The following STX8 variants were observed in gnomAD, a reference collection of about 807,000 sequenced individuals.
STX8 encodes syntaxin 8.
A neutral mutation model predicts 37.5 loss-of-function variants in STX8; 23 were observed. The observed-to-expected ratio is 0.61, with a 90% CI of 0.44 to 0.87. STX8 has a LOEUF of 0.87. Ranked by LOEUF, STX8 falls within the 40% of genes least tolerant of loss-of-function variation. The pLI is 0.00. For missense variants in STX8, 313 were observed against 284.7 expected, an observed-to-expected ratio of 1.10 and a Z score of -0.71; for synonymous variants, 115 against 99.1, an observed-to-expected ratio of 1.16 and a Z score of -0.95.
chr17:9,256,955 A>C (rs922445061), intron 7 of STX8, among the ~76,000 whole-genome samples: 2 of 152,226 alleles, frequency 1.3e-5, no homozygotes, highest in Admixed American at 6.5e-5. Context: ...GAGGCTGCCA[A>C]CTTCTTAAAC....
chr17:9,377,670 C>G (rs1235024684), intron 7 of STX8, among the ~76,000 whole-genome samples: 1 of 152,096 alleles, frequency 6.6e-6, no homozygotes, highest in Non-Finnish European at 1.5e-5. Flanking sequence ...CCATGTTGCC[C>G]AGGCTGCTAA....
At chr17:9,505,717 G>C (rs4791847) in intron 4 of STX8, among the ~76,000 whole-genome samples, 108,178 of 151,922 alleles carry the variant, frequency 0.71, 38,767 homozygotes, top group Middle Eastern at 0.85. Context: ...GAGGCGGGCA[G>C]ATCACCTGAA....
intron 7 of STX8, among the ~76,000 whole-genome samples, chr17:9,338,354 A>C (rs12952858): frequency 0.15 from 22,784 of 151,984 alleles, 1,906 homozygotes; most frequent in African/African-American, 0.21. Context: ...GCGTCCAGGT[A>C]TTCTGAAGGG....
chr17:9,289,851 G>C (rs1908254528), intron 7 of STX8, among the ~76,000 whole-genome samples: 1 of 152,002 alleles, frequency 6.6e-6, no homozygotes, highest in South Asian at 2.1e-4. Context: ...ACAAAATATT[G>C]CATGAGAAAG....
In STX8 at chr17:9,559,756, A is replaced by ATTTT. The variant is rs1214621506; in HGVS notation, c.118-2229_118-2228insAAAA. On this transcript the variant is annotated intron_variant, in intron 2 of 7. Coordinates refer to ENST00000306357, the MANE Select transcript of STX8 (RefSeq NM_004853.3). ...ATTTTATATATATATATATATATAT[A>ATTTT]TATATTTTTTTTTTTTTTTTTTTTG... 4.6e-3 allele frequency among the ~76,000 whole-genome samples: 144 copies of ATTTT among 31,076 alleles called. 1 individual carries two copies. Among genetic ancestry groups the ATTTT allele is most frequent in the African/African-American group, 5.0e-3 (36 of 7,154 alleles). 20.4% of individuals were successfully genotyped at this position (31,076 alleles called of 152,430 possible).
chr17:9,318,690 A>G (rs1285502730), intron 7 of STX8, among the ~76,000 whole-genome samples: 1 of 152,218 alleles, frequency 6.6e-6, no homozygotes. Context: ...ATAAACTATT[A>G]TTTAGAATTC....
In STX8 at chr17:9,322,682, C is replaced by T. The variant is rs183524623; in HGVS notation, c.643+55870G>A. Among the ~76,000 whole-genome samples the T allele has an allele frequency of 5.3e-5, 8 of 152,148 alleles. No individual in the cohort carries two copies. The East Asian group carries it at 1.2e-3, about 22-fold the overall frequency. On this transcript the variant is annotated intron_variant, in intron 7 of 7. Transcript: ENST00000306357. ...AGAGTTCTCTTGGATCCCTTGTTTA[C>T]GGCCTTAGTCTTATATTGTGAGCAG...
At chr17:9,364,389 T>C (rs966814812) in intron 7 of STX8, among the ~76,000 whole-genome samples, 6 of 152,164 alleles carry the variant, frequency 3.9e-5, no homozygotes, top group Admixed American at 6.6e-5. Flanking sequence ...TCCAGGTATG[T>C]CTGGGGAGGG....
intron 4 of STX8, among the ~76,000 whole-genome samples, chr17:9,529,250 AG>A (rs1905709216): frequency 2.4e-3 from 2 of 842 alleles, no homozygotes; most frequent in African/African-American, 7.6e-3. Flanking sequence ...TAGCTCTTAG[AG>A]AGAGAGAGAG....
At chr17:9,477,272 G>C (rs1044913772) in intron 6 of STX8, among the ~76,000 whole-genome samples, 3 of 152,158 alleles carry the variant, frequency 2.0e-5, no homozygotes, top group Non-Finnish European at 4.4e-5. Flanking sequence ...GTCACAATCT[G>C]AAGTAGTAGG....
At chr17:9,458,903 C>T (rs891654893) in intron 6 of STX8, among the ~76,000 whole-genome samples, 2 of 151,322 alleles carry the variant, frequency 1.3e-5, no homozygotes, top group East Asian at 1.9e-4. Context: ...AATCTCGGCT[C>T]ACTGCAAGCT....
At chr17:9,379,280 T>C (rs1044160071) in intron 6 of STX8, among the ~76,000 whole-genome samples, 3 of 146,634 alleles carry the variant, frequency 2.0e-5, no homozygotes, top group African/African-American at 5.0e-5. Context: ...GACGGCACAG[T>C]AGACTTCAGG....
At chr17:9,562,514 C>T (rs771695622) in intron 2 of STX8, among the ~76,000 whole-genome samples, 2 of 151,324 alleles carry the variant, frequency 1.3e-5, no homozygotes, top group Non-Finnish European at 2.9e-5. Flanking sequence ...AGCTAATCTC[C>T]ATAATACGTG....
At chr17:9,327,012 C>T (rs1049669158) in intron 7 of STX8, among the ~76,000 whole-genome samples, 1 of 151,992 alleles carries the variant, frequency 6.6e-6, no homozygotes, top group African/African-American at 2.4e-5. Flanking sequence ...ACAAAATTAG[C>T]CGGGCGTGAT....
chr17:9,405,046 T>C (rs1371237340), intron 6 of STX8, among the ~76,000 whole-genome samples: 1 of 152,206 alleles, frequency 6.6e-6, no homozygotes, highest in Non-Finnish European at 1.5e-5. Context: ...GTTGTAAATC[T>C]TGTGAAGTCA....
At chr17:9,523,481 G>C (rs547682427) in intron 4 of STX8, among the ~76,000 whole-genome samples, 89 of 151,908 alleles carry the variant, frequency 5.9e-4, no homozygotes, top group Non-Finnish European at 1.2e-3. Context: ...GGTGTTCCTA[G>C]AGCCATGCCT....
At chr17:9,405,995 A>G (rs1313367881) in intron 6 of STX8, among the ~76,000 whole-genome samples, 10 of 152,232 alleles carry the variant, frequency 6.6e-5, no homozygotes, top group Non-Finnish European at 1.5e-4. Context: ...GCAATCCTGC[A>G]CTACAGAATA....
chr17:9,298,226 T>C (rs1020406058), intron 7 of STX8, among the ~76,000 whole-genome samples: 1 of 152,122 alleles, frequency 6.6e-6, no homozygotes, highest in Non-Finnish European at 1.5e-5. Flanking sequence ...CAGAAGAAGA[T>C]GGACAGTAAA....
chr17:9,276,397 A>C (rs1597578883), intron 7 of STX8, among the ~76,000 whole-genome samples: 1 of 152,118 alleles, frequency 6.6e-6, no homozygotes, highest in Non-Finnish European at 1.5e-5. Flanking sequence ...AAAGAACAAA[A>C]GTTTAATTAA....
Sources: gnomAD v4.1 joint callset for allele counts (sites outside exome capture counted in the v4.1 genomes callset) on GRCh38, gnomAD v4.1.1 for gene constraint, MANE v1.5 for transcripts, NCBI Gene and HGNC (gene_info 2026-07-23, HGNC 2026-07-21) for gene names.